Variants in SCAMP2 observed in about 807,000 individuals in gnomAD.
The protein encoded by SCAMP2 is secretory carrier-associated membrane protein 2.
Under a neutral mutation model 44.1 loss-of-function variants are expected in SCAMP2, and 25 were observed. The ratio of observed to expected loss-of-function variants is 0.57; its 90% CI spans 0.41 to 0.79. SCAMP2 has a LOEUF of 0.79. SCAMP2 is among the 30% of genes least tolerant of loss of function. The pLI is 0.00. For missense variants in SCAMP2, 355 were observed against 411.0 expected (o/e 0.86, Z 1.18); for synonymous variants, 156 against 166.0 (o/e 0.94, Z 0.46).
chr15:74,856,517 C>T (rs188629389), intron 1 of SCAMP2, among the ~76,000 whole-genome samples: 23 of 151,384 alleles, frequency 1.5e-4, no homozygotes, highest in East Asian at 1.4e-3. Flanking sequence ...TCAGGTGATC[C>T]GCTCACCTCA....
chr15:74,859,615 A>G (rs1003884059), intron 1 of SCAMP2, among the ~76,000 whole-genome samples: 3 of 112,136 alleles, frequency 2.7e-5, no homozygotes, highest in East Asian at 4.5e-4. Flanking sequence ...TGAAAACCAC[A>G]CTTTTTTTTT....
intron 1 of SCAMP2, among the ~76,000 whole-genome samples, chr15:74,869,125 G>A (rs914892679): frequency 6.6e-6 from 1 of 152,142 alleles, no homozygotes; most frequent in Non-Finnish European, 1.5e-5. Flanking sequence ...TTGCACTCTA[G>A]CCTGGGCAAA....
chr15:74,852,043 C>G, intron 4 of SCAMP2, 26 bp downstream of exon 4: 1 of 1,502,436 alleles, frequency 6.7e-7, no homozygotes, highest in African/African-American at 1.4e-5. Flanking sequence ...GGCAGGGCAG[C>G]CCCAGGCCCC....
intron 1 of SCAMP2, among the ~76,000 whole-genome samples, chr15:74,860,379 C>A (rs949251387): frequency 6.7e-6 from 1 of 149,482 alleles, no homozygotes; most frequent in Non-Finnish European, 1.5e-5. Context: ...CATGGTGAAA[C>A]CCCATCTCTA....
rs148823599 is a variant in SCAMP2, at chr15:74,869,912, G to A, written c.57+3287C>T. On this transcript the variant is annotated intron_variant, in intron 1 of 8. Coordinates refer to ENST00000268099, the MANE Select transcript of SCAMP2 (RefSeq NM_005697.5). ...CTGGGCTCACACCCAGGCACCCAAG[G>A]GCTACACCTCCCAACGTCCTAGCCC... 2.0e-5 allele frequency among the ~76,000 whole-genome samples: 3 copies of A among 152,188 alleles called. No individual in the cohort carries two copies. In the East Asian group the frequency reaches 5.8e-4, roughly 29 times the overall value.
At position 74,860,312 on chromosome 15, in the gene SCAMP2, G is replaced by C. The variant is rs551490541; in HGVS notation, c.58-5663C>G. 1.7e-4 allele frequency among the ~76,000 whole-genome samples: 26 copies of C among 152,010 alleles called. No homozygotes were observed. In the East Asian group the frequency reaches 5.0e-3, roughly 29 times the overall value. On this transcript the variant is annotated intron_variant, in intron 1 of 8. Coordinates refer to ENST00000268099, the MANE Select transcript of SCAMP2 (RefSeq NM_005697.5). Reference sequence around the variant, plus strand: ...CACCTGTAATCCCAGCACTTTGGGAGGCCAAGGCAGGAGGATCACCTGAGA... The same window carrying C: ...CACCTGTAATCCCAGCACTTTGGGACGCCAAGGCAGGAGGATCACCTGAGA...
chr15:74,851,561 T>TATGGGCC (rs2064435818), intron 4 of SCAMP2, 80 bp from the exon 5 acceptor site: 1 of 1,571,698 alleles, frequency 6.4e-7, no homozygotes. Flanking sequence ...CAGCATAGTG[T>TATGGGCC]ATGGGCCAAA....
rs1375867334 is a variant in SCAMP2, at chr15:74,843,917, C to A, written c.*1166G>T. 1 of 152,020 alleles carries A rather than the reference C, an allele frequency of 6.6e-6. No individual in the cohort carries two copies. Among genetic ancestry groups the A allele is most frequent in the Non-Finnish European group, 1.5e-5 (1 of 67,972 alleles). The allele number at this position is 152,020 out of a possible 1,614,324, so 9.4% of individuals were successfully genotyped here. ...CGGAGGCTAGTTTTGTGGGAAGGCACCCCAGTCCACACACCCACTCGGCAG... is the reference window on the plus strand; with the variant it reads ...CGGAGGCTAGTTTTGTGGGAAGGCAACCCAGTCCACACACCCACTCGGCAG... On this transcript the variant is annotated 3_prime_UTR_variant, in exon 9 of 9. Coordinates refer to ENST00000268099, the MANE Select transcript of SCAMP2 (RefSeq NM_005697.5).
chr15:74,872,957 C>T (rs2064587082), intron 1 of SCAMP2: 1 of 461,790 alleles, frequency 2.2e-6, no homozygotes, highest in Non-Finnish European at 3.8e-6. Context: ...ACAGCCCAGC[C>T]TCCGGGTGCT....
At position 74,845,198 on chromosome 15, in the gene SCAMP2, C is replaced by T. The variant is rs142904321; in HGVS notation, c.875G>A (p.Arg292Gln). 1.4e-4 allele frequency: 221 copies of T among 1,613,248 alleles called. No homozygotes were observed. Among genetic ancestry groups the T allele is most frequent in the Non-Finnish European group, 1.8e-4 (209 of 1,179,998 alleles). The change falls in exon 9 of 9, where the codon CGG (arginine) becomes CAG (glutamine). Residue 292 changes from arginine (R) to glutamine (Q), a missense_variant. Arg to Gln is a conservative substitution (Grantham distance 43). Transcript: ENST00000268099. ...LLQRVHSLYR[R>Q]TGASFQQAQE... Reference sequence around the variant, plus strand: ...GGCCTGCTGGAAGCTGGCCCCTGTCCGTCGGTAGAGGGAGTGCACCTGGCG... The same window carrying T: ...GGCCTGCTGGAAGCTGGCCCCTGTCTGTCGGTAGAGGGAGTGCACCTGGCG...
At chr15:74,868,506 A>G (rs2141182811) in intron 1 of SCAMP2, among the ~76,000 whole-genome samples, 1 of 152,328 alleles carries the variant, frequency 6.6e-6, no homozygotes, top group Middle Eastern at 3.4e-3. Flanking sequence ...GATTTCTCAG[A>G]GCCTTTAACA....
At chr15:74,861,496 G>T (rs963423561) in intron 1 of SCAMP2, among the ~76,000 whole-genome samples, 1 of 152,196 alleles carries the variant, frequency 6.6e-6, no homozygotes, top group Non-Finnish European at 1.5e-5. Flanking sequence ...AAAAAAGCAC[G>T]AAACAAACAT....
chr15:74,855,523 C>T (rs1372519190), intron 1 of SCAMP2, among the ~76,000 whole-genome samples: 1 of 151,932 alleles, frequency 6.6e-6, no homozygotes, highest in Admixed American at 6.6e-5. Flanking sequence ...TCAAGACCAG[C>T]CTGACCAACA....
rs386383489 is a variant in SCAMP2, at chr15:74,859,616, CT to C, written c.58-4968del. Reference sequence around the variant, plus strand: ...CCCAGGAACGGCCATGAAAACCACACTTTTTTTTTTTTTTTTTTGAGATGGA... The same window carrying C: ...CCCAGGAACGGCCATGAAAACCACACTTTTTTTTTTTTTTTTTGAGATGGA... On this transcript the variant is annotated intron_variant, in intron 1 of 8. Transcript: ENST00000268099. Among the ~76,000 whole-genome samples, 309 of 132,540 alleles carry C rather than the reference CT, an allele frequency of 2.3e-3. 1 individual carries two copies. Among genetic ancestry groups the C allele is most frequent in the Middle Eastern group, 7.8e-3 (2 of 256 alleles). The allele number at this position is 132,540 out of a possible 152,430, so 87.0% of individuals were successfully genotyped here. A position where few individuals can be genotyped will look rare whatever the true frequency, so the allele number is the denominator to read the frequency against.
In SCAMP2 at chr15:74,852,102, G is replaced by A. The variant is rs143304801; in HGVS notation, c.310C>T (p.Arg104Trp). 3.8e-5 allele frequency: 61 copies of A among 1,591,864 alleles called. No individual in the cohort carries two copies. In the African/African-American group the frequency reaches 6.5e-4, roughly 17 times the overall value. The part of the protein sequence containing the change: ...RKAAELERKE[R>W]ELQNTVANLH... ...TTGGCTACAGTGTTCTGCAGCTCCCGCTCCTTGCGTTCCAGCTCGGCAGCT... is the reference window on the plus strand; with the variant it reads ...TTGGCTACAGTGTTCTGCAGCTCCCACTCCTTGCGTTCCAGCTCGGCAGCT... Residue 104 changes from arginine (R) to tryptophan (W), a missense_variant, in exon 4 of 9, where the codon CGG becomes TGG. Arg to Trp is a moderately radical substitution (Grantham distance 101, BLOSUM62 -3). Transcript: ENST00000268099.
intron 1 of SCAMP2, among the ~76,000 whole-genome samples, chr15:74,870,460 C>G (rs913640296): frequency 6.6e-6 from 1 of 152,056 alleles, no homozygotes; most frequent in Non-Finnish European, 1.5e-5. Context: ...TCATCACATA[C>G]AACATACACC....
chr15:74,850,255 G>C (rs1225804014), intron 6 of SCAMP2, among the ~76,000 whole-genome samples: 1 of 152,212 alleles, frequency 6.6e-6, no homozygotes. Flanking sequence ...GGAGCAGTGG[G>C]ATGGGAGGTC....
At chr15:74,865,074 CAAAAAAAA>C (rs36079981) in intron 1 of SCAMP2, among the ~76,000 whole-genome samples, 1 of 32,822 alleles carries the variant, frequency 3.0e-5, no homozygotes, top group African/African-American at 1.4e-4. Flanking sequence ...GACTCTATCT[CAAAAAAAA>C]AAAAAAAAAA....
At chr15:74,859,808 T>C (rs1334522756) in intron 1 of SCAMP2, among the ~76,000 whole-genome samples, 1 of 152,000 alleles carries the variant, frequency 6.6e-6, no homozygotes, top group Non-Finnish European at 1.5e-5. Context: ...TGTCACTGGT[T>C]TGGAAACCTC....
Sources: gnomAD v4.1 joint callset for allele counts (sites outside exome capture counted in the v4.1 genomes callset) on GRCh38, gnomAD v4.1.1 for gene constraint, MANE v1.5 for transcripts, NCBI Gene and HGNC (gene_info 2026-07-23, HGNC 2026-07-21) for gene names.